Variants in ACACB observed in about 807,000 individuals in gnomAD.
ACACB encodes acetyl-CoA carboxylase beta.
A neutral mutation model predicts 278.8 loss-of-function variants in ACACB; 209 were observed. That is an observed-to-expected ratio of 0.75 (90% CI 0.67 to 0.84). ACACB has a LOEUF of 0.84. Among genes scored for constraint, ACACB ranks in the 40% least tolerant of loss-of-function variants. The pLI is 0.00. For missense variants in ACACB, 2,850 were observed against 3,269.0 expected (o/e 0.87, Z 3.13); for synonymous variants, 1,174 against 1,285.6 (o/e 0.91, Z 1.86).
chr12:109,164,409 T>C (rs1392151214), intron 2 of ACACB, among the ~76,000 whole-genome samples: 1 of 152,042 alleles, frequency 6.6e-6, no homozygotes, highest in Admixed American at 6.5e-5. Flanking sequence ...ACTTCTGTAT[T>C]TTTAGTAGAG....
rs2043926291 is a variant in ACACB at position 109,166,918 on chromosome 12, C to A, written c.711C>A (p.Asp237Glu). 1.9e-6 allele frequency: 3 copies of A among 1,614,046 alleles called. No homozygotes were observed. Among genetic ancestry groups the A allele is most frequent in the Non-Finnish European group, 2.5e-6 (3 of 1,180,018 alleles). Residue 237 changes from aspartate (D) to glutamate (E), a missense_variant, in exon 3 of 53, where the codon GAC (aspartate) becomes GAA (glutamate). By Grantham distance (45) the Asp-to-Glu change is conservative. Around this residue, in one of 3 missense-constraint regions of ACACB, gnomAD observed 2,265 missense variants for 2,561.3 expected, o/e 0.88. Coordinates refer to ENST00000338432, the MANE Select transcript of ACACB (RefSeq NM_001093.4). ...GGGGACGGGAACACAAGAAGCTGGA[C>A]CTGCACAGAGACTTTACCGTGGCTT... ...VKRGREHKKL[D>E]LHRDFTVASP...
chr12:109,264,779 G>A (rs1272752283), intron 50 of ACACB, among the ~76,000 whole-genome samples: 1 of 152,166 alleles, frequency 6.6e-6, no homozygotes, highest in African/African-American at 2.4e-5. Flanking sequence ...CCCATGTCCA[G>A]TGCTCATTGG....
Position 109,239,899 on chromosome 12 carries a change from G to A in ACACB, c.4732G>A (p.Val1578Met). ...CCTGGAGGCCATGGACGAGCTGGAG[G>A]TGGCGTTCAATAACACCAGCGTGCG... ...LLLEAMDELE[V>M]AFNNTSVRTD... Residue 1578 changes from valine to methionine, a missense_variant, in exon 35 of 53, where the codon GTG (valine) becomes ATG (methionine). Physicochemically the swap from Val to Met is conservative, Grantham distance 21. This residue lies in a region of ACACB where 2,265 missense variants were observed against 2,561.3 expected (regional missense o/e 0.88). Transcript: ENST00000338432. The A allele has an allele frequency of 2.5e-6, 4 of 1,614,184 alleles. No homozygotes were observed. The highest frequency in any genetic ancestry group is 8.5e-7 in the Non-Finnish European group (1 of 1,180,030).
chr12:109,241,095 C>T lies in ACACB; in HGVS notation c.4836C>T (p.Arg1612=). The change falls in exon 36 of 53, where the codon CGC becomes CGT. Residue 1612 remains arginine, a synonymous_variant. Transcript: ENST00000338432. ...TGGGGCAGATCGAGGAGTCCGTGCGCTACATGGTTATGCGCTACGGCAGCC... is the reference window on the plus strand; with the variant it reads ...TGGGGCAGATCGAGGAGTCCGTGCGTTACATGGTTATGCGCTACGGCAGCC... ...MDPFKIEESV[R]YMVMRYGSRL... The T allele has an allele frequency of 6.2e-7, 1 of 1,614,176 alleles. No individual in the cohort carries two copies. Among genetic ancestry groups the T allele is most frequent in the Non-Finnish European group, 8.5e-7 (1 of 1,180,040 alleles).
intron 19 of ACACB, among the ~76,000 whole-genome samples, chr12:109,205,173 G>A (rs905588090): frequency 6.6e-6 from 1 of 152,154 alleles, no homozygotes; most frequent in Non-Finnish European, 1.5e-5. Flanking sequence ...TCTTTAGGGA[G>A]TTCCCAAAGC....
intron 2 of ACACB, among the ~76,000 whole-genome samples, chr12:109,163,840 G>C (rs2043815431): frequency 6.6e-6 from 1 of 152,132 alleles, no homozygotes; most frequent in South Asian, 2.1e-4. Flanking sequence ...AGTAGAGACG[G>C]GGTTTCACCA....
At position 109,172,398 on chromosome 12, in the gene ACACB, G is replaced by T. The variant is rs568863805; in HGVS notation, c.1117+42G>T. 18 of 1,579,096 alleles carry T rather than the reference G, an allele frequency of 1.1e-5. 1 individual carries two copies. Among genetic ancestry groups the T allele is most frequent in the African/African-American group, 9.4e-5 (7 of 74,342 alleles). Reference sequence around the variant, plus strand: ...TCAGATACATGGGAATTGGGGTATTGCTGGGACACTCTGCTGGGTCTGACC... The same window carrying T: ...TCAGATACATGGGAATTGGGGTATTTCTGGGACACTCTGCTGGGTCTGACC... On this transcript the variant is annotated intron_variant, in intron 6 of 52. Transcript: ENST00000338432.
intron 24 of ACACB, among the ~76,000 whole-genome samples, chr12:109,222,294 C>CGAGTGAGT (rs112567037): frequency 1.3e-4 from 19 of 150,978 alleles, no homozygotes; most frequent in African/African-American, 2.7e-4. Flanking sequence ...AATGGGTGGC[C>CGAGTGAGT]GAGTGAGTGA....
Position 109,193,748 on chromosome 12 carries a change from C to T in ACACB, c.2481+19C>T. 6.3e-7 allele frequency: 1 copy of T among 1,580,064 alleles called. No individual in the cohort carries two copies. Among genetic ancestry groups the T allele is most frequent in the South Asian group, 1.1e-5 (1 of 90,402 alleles). The stretch of plus-strand genomic sequence containing the variant: ...TCTCAAGGTAAATGCCCCCGTGCCT[C>T]TCCGATGTCTCCAACACTCTGCAAG... On this transcript the variant is annotated intron_variant, in intron 16 of 52. Coordinates refer to ENST00000338432, the MANE Select transcript of ACACB (RefSeq NM_001093.4).
chr12:109,199,428 C>A lies in ACACB; in HGVS notation c.2654C>A (p.Thr885Lys). 6.5e-7 allele frequency: 1 copy of A among 1,537,692 alleles called. No homozygotes were observed. Among genetic ancestry groups the A allele is most frequent in the Non-Finnish European group, 8.8e-7 (1 of 1,141,320 alleles). The change falls in exon 18 of 53, where the codon ACG becomes AAG. Residue 885 changes from threonine (T) to lysine (K), a missense_variant. Thr to Lys is a moderately conservative substitution (Grantham distance 78, BLOSUM62 -1). Around this residue, in one of 3 missense-constraint regions of ACACB, gnomAD observed 2,265 missense variants for 2,561.3 expected, o/e 0.88. Transcript: ENST00000338432. ...DSYRITIGNK[T>K]CVFEKENDPT... Reference sequence around the variant, plus strand: ...TACCGAATTACCATCGGCAATAAGACGTGTGTGTTTGAGAAGGAGAACGAT... The same window carrying A: ...TACCGAATTACCATCGGCAATAAGAAGTGTGTGTTTGAGAAGGAGAACGAT...
chr12:109,229,614 C>A (rs1390366369), intron 28 of ACACB, among the ~76,000 whole-genome samples: 2 of 151,964 alleles, frequency 1.3e-5, no homozygotes, highest in African/African-American at 4.8e-5. Flanking sequence ...ACTGCAGCCT[C>A]CGCCTCCTGG....
intron 4 of ACACB, among the ~76,000 whole-genome samples, chr12:109,170,083 C>A (rs1000028032): frequency 6.6e-6 from 1 of 151,700 alleles, no homozygotes; most frequent in Non-Finnish European, 1.5e-5. Context: ...TGACTTTGGC[C>A]TCATTGATGT....
chr12:109,258,085 C>T (rs1293561251), intron 45 of ACACB, among the ~76,000 whole-genome samples, 183 bp from the exon 46 acceptor site: 1 of 152,234 alleles, frequency 6.6e-6, no homozygotes, highest in African/African-American at 2.4e-5. Context: ...AAAAGGGCAC[C>T]AATAGGTCTG....
chr12:109,222,182 C>T (rs1302993434), intron 24 of ACACB, among the ~76,000 whole-genome samples: 1 of 152,076 alleles, frequency 6.6e-6, no homozygotes, highest in East Asian at 1.9e-4. Context: ...TGTGAGCCAC[C>T]ATGCCTGGCC....
chr12:109,229,969 G>A (rs1487282421), intron 28 of ACACB, among the ~76,000 whole-genome samples: 1 of 152,006 alleles, frequency 6.6e-6, no homozygotes, highest in Non-Finnish European at 1.5e-5. Context: ...TGTCTCCTTG[G>A]GATTCGAAGT....
chr12:109,173,760 T>C (rs1238049983), intron 6 of ACACB, among the ~76,000 whole-genome samples: 1 of 152,250 alleles, frequency 6.6e-6, no homozygotes. Context: ...CTGAAAGTAT[T>C]TCCCATCTGG....
intron 28 of ACACB, among the ~76,000 whole-genome samples, chr12:109,228,033 C>CAAA (rs1444511686): frequency 3.9e-4 from 28 of 71,924 alleles, no homozygotes; most frequent in African/African-American, 7.9e-4. Context: ...GACTCCGTCT[C>CAAA]AAAAAAAAAA....
chr12:109,137,032 A>G (rs530835471), intron 1 of ACACB, among the ~76,000 whole-genome samples: 1 of 152,222 alleles, frequency 6.6e-6, no homozygotes, highest in East Asian at 1.9e-4. Context: ...AATTTTCTGA[A>G]TGTTGTTATC....
chr12:109,240,088 A>T (rs536021545), intron 35 of ACACB, 103 bp downstream of exon 35: 1 of 1,361,760 alleles, frequency 7.3e-7, no homozygotes, highest in African/African-American at 1.5e-5. Context: ...GGGTTCCAGG[A>T]TGAAACCATG....
Sources: allele counts gnomAD v4.1 joint callset (sites outside exome capture counted in the v4.1 genomes callset), GRCh38; gene constraint gnomAD v4.1.1; regional missense constraint gnomAD v4.1.1; transcripts MANE v1.5; gene names NCBI Gene and HGNC (gene_info 2026-07-23, HGNC 2026-07-21).